The following ZNF469 variants were observed in gnomAD, a reference collection of about 807,000 sequenced individuals.
The protein encoded by ZNF469 is zinc finger protein 469.
ZNF469 carries 1 observed loss-of-function variant against 1.0 expected under a neutral mutation model. The observed-to-expected ratio is 1.00, with a 90% CI of 0.35 to 4.73. The LOEUF (loss-of-function observed/expected upper bound fraction) is 4.73. Among genes scored for constraint, ZNF469 ranks in the 30% most tolerant of loss-of-function variants. ZNF469 has a pLI of 0.16. For missense variants in ZNF469, 6,100 were observed against 5,356.3 expected (o/e 1.14, Z -4.33); for synonymous variants, 2,703 against 2,363.4 (o/e 1.14, Z -4.17).
chr16:88,187,600 T>G, the ZNF469 span, among the ~76,000 whole-genome samples: 24 of 142,336 alleles, frequency 1.7e-4, no homozygotes, highest in Non-Finnish European at 2.8e-4. Flanking sequence ...TTTTTATTTA[T>G]TTTTTTTGAC....
chr16:88,354,881 G>T, the ZNF469 span, among the ~76,000 whole-genome samples: 1 of 152,154 alleles, frequency 6.6e-6, no homozygotes, highest in African/African-American at 2.4e-5. Context: ...ATCAGAGCAG[G>T]GTGCTGCAAG....
chr16:88,202,139 C>A, the ZNF469 span, among the ~76,000 whole-genome samples: 2 of 152,222 alleles, frequency 1.3e-5, no homozygotes, highest in Non-Finnish European at 2.9e-5. Context: ...TGGTGTGAGG[C>A]ATGGACACGG....
chr16:88,227,147 G>T, the ZNF469 span, among the ~76,000 whole-genome samples: 3 of 151,958 alleles, frequency 2.0e-5, no homozygotes, highest in African/African-American at 7.2e-5. Context: ...ACACTTTGCA[G>T]CCACTGCAGG....
At chr16:88,180,007 G>C in the ZNF469 span, among the ~76,000 whole-genome samples, 10 of 152,194 alleles carry the variant, frequency 6.6e-5, no homozygotes, top group African/African-American at 2.4e-4. Context: ...GCTACACTAA[G>C]AGGTATAACA....
the ZNF469 span, among the ~76,000 whole-genome samples, chr16:88,139,365 G>T: frequency 6.6e-6 from 1 of 151,994 alleles, no homozygotes; most frequent in African/African-American, 2.4e-5. Context: ...GAAAATTGCT[G>T]TGAAAAGTGG....
chr16:88,327,513 G>A, the ZNF469 span, among the ~76,000 whole-genome samples: 1 of 152,152 alleles, frequency 6.6e-6, no homozygotes, highest in African/African-American at 2.4e-5. Context: ...GGCCAGCTAG[G>A]GGCCAGGCCT....
At chr16:88,204,725 T>G in the ZNF469 span, among the ~76,000 whole-genome samples, 5 of 152,352 alleles carry the variant, frequency 3.3e-5, no homozygotes, top group South Asian at 1.0e-3. Flanking sequence ...GTCTCCGCTG[T>G]GGTCTCAAAT....
the ZNF469 span, among the ~76,000 whole-genome samples, chr16:88,290,663 C>G: frequency 6.6e-6 from 1 of 152,224 alleles, no homozygotes; most frequent in African/African-American, 2.4e-5. Context: ...ATCTATTCAT[C>G]CCCACCACCC....
chr16:88,314,127 G>T, the ZNF469 span, among the ~76,000 whole-genome samples: 1 of 133,368 alleles, frequency 7.5e-6, no homozygotes, highest in Non-Finnish European at 1.7e-5. Context: ...TGTAATTCAG[G>T]CAGTGCTGGT....
chr16:88,423,095 G>T lies in ZNF469; in HGVS notation c.-191-1712G>T, dbSNP rs569848628. Among the ~76,000 whole-genome samples, 42 of 134,966 alleles carry T rather than the reference G, an allele frequency of 3.1e-4. 1 individual carries two copies. In the South Asian group the frequency reaches 0.012, roughly 38 times the overall value. The allele number at this position is 134,966 out of a possible 152,430, so 88.5% of individuals were successfully genotyped here. A position where few individuals can be genotyped will look rare whatever the true frequency, so the allele number is the denominator to read the frequency against. On this transcript the variant is annotated intron_variant, in intron 1 of 2. Coordinates refer to ENST00000565624, the MANE Select transcript of ZNF469 (RefSeq NM_001367624.2). ...GGGTAGATAGATGGATGATGATGAT[G>T]ATGGATGGATGGGTGGATGGATGGA...
At chr16:88,231,422 T>C in the ZNF469 span, among the ~76,000 whole-genome samples, 17 of 152,212 alleles carry the variant, frequency 1.1e-4, no homozygotes, top group Admixed American at 1.0e-3. The surrounding 1 kb of genome is among the most constrained non-coding windows in gnomAD (Gnocchi z 4.5). Context: ...AGAGGACAGG[T>C]GTGTCAGTGC....
At chr16:88,126,647 ATGTTTTT>A in the ZNF469 span, among the ~76,000 whole-genome samples, 4 of 137,880 alleles carry the variant, frequency 2.9e-5, no homozygotes, top group Admixed American at 7.5e-5. Context: ...TGGCGATAAT[ATGTTTTT>A]TGTTTTTTGT....
chr16:88,364,160 G>T, the ZNF469 span, among the ~76,000 whole-genome samples: 2 of 152,146 alleles, frequency 1.3e-5, no homozygotes, highest in African/African-American at 4.8e-5. Context: ...TGAGTATGAT[G>T]TTAAGCAGGG....
rs1174048170 is a variant in ZNF469 at position 88,437,290 on chromosome 16, C to T, written c.9820C>T (p.Arg3274Trp). 5.2e-6 allele frequency: 8 copies of T among 1,547,752 alleles called. No individual in the cohort carries two copies. The highest frequency in any genetic ancestry group is 1.2e-5 in the South Asian group (1 of 83,948). The part of the protein sequence containing the change: ...KDSPGERAKP[R>W]ARSTPSNPDG... Reference sequence around the variant, plus strand: ...CAGCCCGGGCGAGAGGGCGAAACCCCGGGCACGCAGCACCCCCAGCAACCC... The same window carrying T: ...CAGCCCGGGCGAGAGGGCGAAACCCTGGGCACGCAGCACCCCCAGCAACCC... The change falls in exon 3 of 3, where the codon CGG (arginine) becomes TGG (tryptophan). Residue 3274 changes from arginine to tryptophan, a missense_variant. Physicochemically the swap from Arg to Trp is moderately radical, Grantham distance 101. Transcript: ENST00000565624.
intron 1 of ZNF469, among the ~76,000 whole-genome samples, chr16:88,400,041 G>A (rs1162820957): frequency 6.6e-6 from 1 of 152,220 alleles, no homozygotes; most frequent in Non-Finnish European, 1.5e-5. Flanking sequence ...GGTGAGTGAG[G>A]GCCGGCTGAA....
the ZNF469 span, among the ~76,000 whole-genome samples, chr16:88,367,003 T>A: frequency 6.6e-6 from 1 of 150,902 alleles, no homozygotes; most frequent in Non-Finnish European, 1.5e-5. Flanking sequence ...TCCTCATTAC[T>A]AGCATCTTCA....
chr16:88,384,253 G>A (rs6500423), intron 1 of ZNF469, among the ~76,000 whole-genome samples: 1 of 152,024 alleles, frequency 6.6e-6, no homozygotes, highest in African/African-American at 2.4e-5. Flanking sequence ...CGGTAGTGTC[G>A]TGGACAGCCC....
intron 1 of ZNF469, among the ~76,000 whole-genome samples, chr16:88,422,032 G>C (rs1290678110): frequency 6.6e-6 from 1 of 151,276 alleles, no homozygotes; most frequent in Admixed American, 6.6e-5. Flanking sequence ...TGGGTGAGTG[G>C]GTGGATAGAT....
chr16:88,188,001 T>C, the ZNF469 span, among the ~76,000 whole-genome samples: 1 of 152,060 alleles, frequency 6.6e-6, no homozygotes, highest in East Asian at 1.9e-4. Flanking sequence ...CACACCAGCC[T>C]CCTGGCTCCC....
Sources: allele counts gnomAD v4.1 joint callset (sites outside exome capture counted in the v4.1 genomes callset), GRCh38; gene constraint gnomAD v4.1.1; non-coding constraint Gnocchi (gnomAD v3.1); transcripts MANE v1.5; gene names NCBI Gene and HGNC (gene_info 2026-07-23, HGNC 2026-07-21).